STRC: variants seen among roughly 807,000 people sequenced by gnomAD.
STRC encodes the protein stereocilin.
STRC carries 43 observed loss-of-function variants against 103.5 expected under a neutral mutation model. That is an observed-to-expected ratio of 0.42 (90% CI 0.33 to 0.54). The LOEUF (loss-of-function observed/expected upper bound fraction) is 0.54. Ranked by LOEUF, STRC falls within the 20% of genes least tolerant of loss-of-function variation. STRC has a pLI of 0.14. For synonymous variants in STRC, 186 were observed against 442.3 expected, an observed-to-expected ratio of 0.42 and a Z score of 7.27; for missense variants, 499 against 1,088.5, an observed-to-expected ratio of 0.46 and a Z score of 7.62.
At position 43,604,133 on chromosome 15, in the gene STRC, G is replaced by C; in HGVS notation, c.4238C>G (p.Thr1413Ser). 3 of 1,610,418 alleles carry C rather than the reference G, an allele frequency of 1.9e-6. No homozygotes were observed. Among genetic ancestry groups the C allele is most frequent in the Non-Finnish European group, 2.5e-6 (3 of 1,178,578 alleles). Reference protein sequence around the residue: ...LIPREALGPETLERLLEKQQS... With the variant: ...LIPREALGPESLERLLEKQQS... Reference sequence around the variant, plus strand: ...CTGCTTTTCTAGAAGCCGCTCCAGGGTCTCTGGACCCAAGGCCTCCTGCAT... The same window carrying C: ...CTGCTTTTCTAGAAGCCGCTCCAGGCTCTCTGGACCCAAGGCCTCCTGCAT... Residue 1413 changes from threonine (T) to serine (S), a missense_variant, in exon 22 of 29, where the codon ACC becomes AGC. By Grantham distance (58) the Thr-to-Ser change is moderately conservative. Coordinates refer to ENST00000450892, the MANE Select transcript of STRC (RefSeq NM_153700.2).
At chr15:43,603,046 C>T (rs1321506057) in intron 23 of STRC, among the ~76,000 whole-genome samples, 196 bp downstream of exon 23, 1 of 151,810 alleles carries the variant, frequency 6.6e-6, no homozygotes, top group East Asian at 1.9e-4. Context: ...CCACTGCTTT[C>T]GTCCCTCTAT....
intron 23 of STRC, among the ~76,000 whole-genome samples, chr15:43,602,806 G>A (rs1345171157): frequency 1.3e-5 from 2 of 151,358 alleles, no homozygotes; most frequent in African/African-American, 2.4e-5. Flanking sequence ...CACCATGCCC[G>A]GCTAACTTTT....
At position 43,605,091 on chromosome 15, in the gene STRC, A is replaced by G. The variant is rs1369584591; in HGVS notation, c.3930+173T>C. 3 of 1,259,780 alleles carry G rather than the reference A, an allele frequency of 2.4e-6. No homozygotes were observed. The East Asian group carries it at 7.6e-5, about 32-fold the overall frequency. The allele number at this position is 1,259,780 out of a possible 1,614,324, so 78.0% of individuals were successfully genotyped here. A position where few individuals can be genotyped will look rare whatever the true frequency, so the allele number is the denominator to read the frequency against. On this transcript the variant is annotated intron_variant, in intron 19 of 28. Coordinates refer to ENST00000450892, the MANE Select transcript of STRC (RefSeq NM_153700.2). ...GGTATGGACAAGTAACGTGAAGCATATTATCAAGGAACAGAACCCAGAGGC... is the reference window on the plus strand; with the variant it reads ...GGTATGGACAAGTAACGTGAAGCATGTTATCAAGGAACAGAACCCAGAGGC...
chr15:43,600,561 T>C lies in STRC; in HGVS notation c.4966A>G (p.Ile1656Val). The change falls in exon 26 of 29, where the codon ATC (isoleucine) becomes GTC (valine). Residue 1656 changes from isoleucine to valine, a missense_variant. Ile to Val is a conservative substitution (Grantham distance 29, BLOSUM62 3). Transcript: ENST00000450892. ...FGPISNWGPE[I>V]FTEIGTIAAG... ...GCTATGGTGCCAATTTCAGTGAAGA[T>C]CTCAGGCCCCCAGTTACTGATTGGG... 2 of 1,613,380 alleles carry C rather than the reference T, an allele frequency of 1.2e-6. No homozygotes were observed. The highest frequency in any genetic ancestry group is 2.2e-5 in the South Asian group (2 of 91,034).
Position 43,601,534 on chromosome 15 carries a change from C to CT in STRC, c.4562_4563insA (p.Phe1523IlefsTer4). The CT allele has an allele frequency of 2.5e-6, 4 of 1,613,792 alleles. No individual in the cohort carries two copies. The highest frequency in any genetic ancestry group is 1.7e-6 in the Non-Finnish European group (2 of 1,179,844). On this transcript the variant is annotated frameshift_variant, in exon 24 of 29. Coordinates refer to ENST00000450892, the MANE Select transcript of STRC (RefSeq NM_153700.2). LOFTEE classifies it high-confidence loss of function. Reference sequence around the variant, plus strand: ...GCAGGATCTGCTCAGGACGAAATCCCCGGGGGGGACCCCACAACTAGGAGA... The same window carrying CT: ...GCAGGATCTGCTCAGGACGAAATCCCTCGGGGGGGACCCCACAACTAGGAGA...
Position 43,604,679 on chromosome 15 carries a change from T to C in STRC, c.4098A>G (p.Gly1366=). Reference sequence around the variant, plus strand: ...GAACAGACTCCTGCAATAGCAGCCATCCCAGCTCTGTGGCAAATGTCTCTC... The same window carrying C: ...GAACAGACTCCTGCAATAGCAGCCACCCCAGCTCTGTGGCAAATGTCTCTC... ...CLGETFATEL[G]WLLLQESVLG... Residue 1366 remains glycine, a synonymous_variant, in exon 20 of 29, where the codon GGA becomes GGG. Transcript: ENST00000450892. The C allele has an allele frequency of 1.2e-6, 2 of 1,613,610 alleles. No individual in the cohort carries two copies. Among genetic ancestry groups the C allele is most frequent in the South Asian group, 2.2e-5 (2 of 91,062 alleles).
chr15:43,601,564 CA>C lies in STRC; in HGVS notation c.4546-14del, dbSNP rs1567116512. ...GGGGACCCCACAACTAGGAGAAAGA[CA>C]GGAACAATGTGAGTGGAAAAGCAGT... is the stretch of plus-strand genomic sequence containing the variant. On this transcript the variant is annotated splice_polypyrimidine_tract_variant and intron_variant, in intron 23 of 28. Transcript: ENST00000450892. The C allele has an allele frequency of 1.2e-6, 2 of 1,613,550 alleles. No individual in the cohort carries two copies. The highest frequency in any genetic ancestry group is 2.2e-5 in the South Asian group (2 of 91,062).
In STRC at chr15:43,603,473, C is replaced by A. The variant is rs951376239; in HGVS notation, c.4376-62G>T. 18 of 1,552,532 alleles carry A rather than the reference C, an allele frequency of 1.2e-5. No individual in the cohort carries two copies. In the African/African-American group the frequency reaches 2.4e-4, roughly 21 times the overall value. On this transcript the variant is annotated intron_variant, in intron 22 of 28. Transcript: ENST00000450892. Reference sequence around the variant, plus strand: ...TAATAAAATATGCCCAGAGAGATATCTGTAGATAGAGTGAGTCTTCCAACC... The same window carrying A: ...TAATAAAATATGCCCAGAGAGATATATGTAGATAGAGTGAGTCTTCCAACC...
In STRC at chr15:43,610,936, C is replaced by T; in HGVS notation, c.3355G>A (p.Val1119Met). The T allele has an allele frequency of 6.2e-7, 1 of 1,611,614 alleles. No individual in the cohort carries two copies. Among genetic ancestry groups the T allele is most frequent in the Non-Finnish European group, 8.5e-7 (1 of 1,178,184 alleles). Residue 1119 changes from valine to methionine, a missense_variant, in exon 14 of 29, where the codon GTG (valine) becomes ATG (methionine). Physicochemically the swap from Val to Met is conservative, Grantham distance 21. Coordinates refer to ENST00000450892, the MANE Select transcript of STRC (RefSeq NM_153700.2). Reference sequence around the variant, plus strand: ...ACACTTACCTGACCAGGGATACACACAGCTGGACCAGCACCTGTTGTACCC... The same window carrying T: ...ACACTTACCTGACCAGGGATACACATAGCTGGACCAGCACCTGTTGTACCC... ...NMGTTGAGPA[V>M]CIPGQPIPTT...
In STRC at chr15:43,604,354, A is replaced by G. The variant is rs1192669491; in HGVS notation, c.4218+7T>C. On this transcript the variant is annotated splice_region_variant and intron_variant, in intron 21 of 28. Coordinates refer to ENST00000450892, the MANE Select transcript of STRC (RefSeq NM_153700.2). ...ATTTACTCCCTTCCCTTCTTCCTTC[A>G]TCTCACCCTGGGGATCAAGGAAATT... is the stretch of plus-strand genomic sequence containing the variant. 5.8e-6 allele frequency: 9 copies of G among 1,564,542 alleles called. No homozygotes were observed. The highest frequency in any genetic ancestry group is 7.8e-6 in the Non-Finnish European group (9 of 1,151,118).
At chr15:43,603,849 A>G (rs1595958743) in intron 22 of STRC, 147 bp downstream of exon 22, 3 of 1,455,922 alleles carry the variant, frequency 2.1e-6, no homozygotes, top group Non-Finnish European at 2.8e-6. Flanking sequence ...GAATTCTAGA[A>G]CTACAAGAGG....
intron 23 of STRC, among the ~76,000 whole-genome samples, 177 bp downstream of exon 23, chr15:43,603,065 C>G (rs779285474): frequency 7.2e-5 from 11 of 151,970 alleles, no homozygotes; most frequent in African/African-American, 1.7e-4. Context: ...ATTCATTATA[C>G]TAGCTCTCTT....
chr15:43,603,068 GCT>G (rs1318417201), intron 23 of STRC, among the ~76,000 whole-genome samples, 172 bp downstream of exon 23: 1 of 151,760 alleles, frequency 6.6e-6, no homozygotes, highest in Non-Finnish European at 1.5e-5. Context: ...CATTATACTA[GCT>G]CTCTTTCCTC....
At position 43,605,305 on chromosome 15, in the gene STRC, G is replaced by T. The variant is rs745950322; in HGVS notation, c.3889C>A (p.Leu1297Ile). 3 of 1,591,316 alleles carry T rather than the reference G, an allele frequency of 1.9e-6. No homozygotes were observed. Among genetic ancestry groups the T allele is most frequent in the Non-Finnish European group, 1.7e-6 (2 of 1,167,642 alleles). The stretch of plus-strand genomic sequence containing the variant: ...CTCTCTGCCAGGGCTGCCTGGTGGA[G>T]GGGGGTCAGTGCCAGCAGCTGCTCT... ...APEQLLALTP[L>I]HQAALAERAL... The change falls in exon 19 of 29, where the codon CTC becomes ATC. Residue 1297 changes from leucine to isoleucine, a missense_variant. Coordinates refer to ENST00000450892, the MANE Select transcript of STRC (RefSeq NM_153700.2).
chr15:43,599,816 A>C (rs1229545970), intron 28 of STRC, 56 bp from the exon 29 acceptor site: 1 of 511,856 alleles, frequency 2.0e-6, no homozygotes, highest in East Asian at 3.1e-5. Context: ...AGGAGCATTG[A>C]TACTTGGAAA....
chr15:43,602,040 A>G (rs1398795877), intron 23 of STRC, among the ~76,000 whole-genome samples: 1 of 144,434 alleles, frequency 6.9e-6, no homozygotes, highest in Non-Finnish European at 1.5e-5. Context: ...GTTTGAACCC[A>G]GGATGTAGAG....
At chr15:43,605,505 A>G in intron 18 of STRC, 106 bp from the exon 19 acceptor site, 2 of 1,536,484 alleles carry the variant, frequency 1.3e-6, no homozygotes, top group East Asian at 2.5e-5. Flanking sequence ...CCCAGACCAA[A>G]TTTAGTGAAG....
At chr15:43,604,288 G>T (rs2141522978) in intron 21 of STRC, 73 bp downstream of exon 21, 2 of 1,593,742 alleles carry the variant, frequency 1.3e-6, no homozygotes, top group Middle Eastern at 1.7e-4. Flanking sequence ...GCCCTCTTTG[G>T]CCACGGGTCC....
At chr15:43,602,752 C>T (rs2085680769) in intron 23 of STRC, 1 of 178,454 alleles carries the variant, frequency 5.6e-6, no homozygotes, top group Non-Finnish European at 1.2e-5. Flanking sequence ...TCACGCCATT[C>T]TCCTGCCTCA....
Sources: gnomAD v4.1 joint callset for allele counts (sites outside exome capture counted in the v4.1 genomes callset) on GRCh38, gnomAD v4.1.1 for gene constraint, MANE v1.5 for transcripts, NCBI Gene and HGNC (gene_info 2026-07-23, HGNC 2026-07-21) for gene names.